Variants in FLT1 observed in about 807,000 individuals in gnomAD.
FLT1 encodes the protein fms related receptor tyrosine kinase 1.
FLT1 carries 49 observed loss-of-function variants against 156.3 expected under a neutral mutation model. That is an observed-to-expected ratio of 0.31 (90% CI 0.25 to 0.40). FLT1 has a LOEUF of 0.40. FLT1 is among the 10% of genes least tolerant of loss of function. The probability of loss-of-function intolerance (pLI) is 1.00; values close to 1 mark genes in which losing one functional copy is unlikely to be tolerated. For missense variants in FLT1, 1,322 were observed against 1,637.2 expected, an observed-to-expected ratio of 0.81 and a Z score of 3.32; for synonymous variants, 594 against 583.8, an observed-to-expected ratio of 1.02 and a Z score of -0.25.
intron 11 of FLT1, among the ~76,000 whole-genome samples, chr13:28,399,976 G>A (rs1276704886): frequency 6.6e-6 from 1 of 152,150 alleles, no homozygotes; most frequent in African/African-American, 2.4e-5. Flanking sequence ...CTACAGGTAG[G>A]ACAACTGAGG....
intron 19 of FLT1, 85 bp downstream of exon 19, chr13:28,329,530 C>CG: frequency 1.0e-6 from 1 of 961,784 alleles, no homozygotes; most frequent in South Asian, 1.4e-5. Flanking sequence ...AAGCACAGTG[C>CG]GGGGGAGAAG....
At chr13:28,344,308 C>T (rs1472591679) in intron 16 of FLT1, among the ~76,000 whole-genome samples, 1 of 152,130 alleles carries the variant, frequency 6.6e-6, no homozygotes, top group African/African-American at 2.4e-5. Context: ...ACTGTGTTCC[C>T]CCTCCCCTGC....
intron 3 of FLT1, among the ~76,000 whole-genome samples, chr13:28,452,602 GT>G (rs1415010690): frequency 1.3e-5 from 2 of 152,078 alleles, no homozygotes; most frequent in Non-Finnish European, 2.9e-5. Flanking sequence ...GTCAGAAAGT[GT>G]TTCCTTAAGT....
chr13:28,357,543 C>A lies in FLT1; in HGVS notation c.2248+11G>T. 2 of 1,614,014 alleles carry A rather than the reference C, an allele frequency of 1.2e-6. No individual in the cohort carries two copies. The highest frequency in any genetic ancestry group is 1.7e-6 in the Non-Finnish European group (2 of 1,179,860). On this transcript the variant is annotated intron_variant, in intron 15 of 29. Transcript: ENST00000282397. ...ACCAATTTCTTGTTGCTTTCTTAAG[C>A]AGCTGTTTACCTTGAACAGTGAGGT...
At chr13:28,355,469 C>T (rs762752212) in intron 15 of FLT1, among the ~76,000 whole-genome samples, 1 of 152,036 alleles carries the variant, frequency 6.6e-6, no homozygotes, top group African/African-American at 2.4e-5. Flanking sequence ...ATATCAACGC[C>T]AAAATAATAA....
At chr13:28,397,749 C>CGTGTGTGTGTGTGT (rs35710786) in intron 11 of FLT1, among the ~76,000 whole-genome samples, 1 of 129,800 alleles carries the variant, frequency 7.7e-6, no homozygotes, top group Non-Finnish European at 1.7e-5. Context: ...TGAAGGAGAC[C>CGTGTGTGTGTGTGT]GTGTGTGTGT....
chr13:28,360,627 T>A (rs1435823695), intron 14 of FLT1, among the ~76,000 whole-genome samples: 1 of 152,168 alleles, frequency 6.6e-6, no homozygotes, highest in Admixed American at 6.5e-5. Context: ...ATATGTGGAA[T>A]CTAAAAAAGT....
At chr13:28,386,150 G>A in intron 13 of FLT1, 1 of 1,053,618 alleles carries the variant, frequency 9.5e-7, no homozygotes, top group Non-Finnish European at 1.1e-6. Flanking sequence ...TGTGAAGGCA[G>A]CTTAGGAGTG....
intron 1 of FLT1, among the ~76,000 whole-genome samples, chr13:28,472,800 C>T (rs939810171): frequency 4.6e-5 from 7 of 152,128 alleles, no homozygotes; most frequent in African/African-American, 9.7e-5. Flanking sequence ...GATTAGGGTT[C>T]GGTTTTTAGG....
At chr13:28,335,625 A>G (rs1872089120) in intron 17 of FLT1, among the ~76,000 whole-genome samples, 1 of 152,140 alleles carries the variant, frequency 6.6e-6, no homozygotes, top group South Asian at 2.1e-4. Flanking sequence ...CACTTATACC[A>G]GTGTCATCAT....
chr13:28,349,544 C>A (rs1872677205), intron 15 of FLT1, among the ~76,000 whole-genome samples: 1 of 152,048 alleles, frequency 6.6e-6, no homozygotes, highest in African/African-American at 2.4e-5. Flanking sequence ...GGATTGGGAT[C>A]CTCTCAGGAC....
At chr13:28,310,258 G>A (rs1040940771) in intron 27 of FLT1, among the ~76,000 whole-genome samples, 7 of 152,142 alleles carry the variant, frequency 4.6e-5, no homozygotes, top group African/African-American at 1.7e-4. Context: ...TGAGGTTAGA[G>A]CCAGAGAGCT....
In FLT1 at chr13:28,430,054, C is replaced by G; in HGVS notation, c.1102G>C (p.Val368Leu). The G allele has an allele frequency of 6.2e-7, 1 of 1,603,260 alleles. No individual in the cohort carries two copies. Among genetic ancestry groups the G allele is most frequent in the East Asian group, 2.2e-5 (1 of 44,824 alleles). The change falls in exon 8 of 30, where the codon GTA becomes CTA. Residue 368 changes from valine to leucine, a missense_variant. Physicochemically the swap from Val to Leu is conservative, Grantham distance 32. Around this residue, in one of 3 missense-constraint regions of FLT1, gnomAD observed 991 missense variants for 1,254.8 expected, o/e 0.79. Coordinates refer to ENST00000282397, the MANE Select transcript of FLT1 (RefSeq NM_002019.4). ...KVKAFPSPEV[V>L]WLKDGLPATE... is the part of the protein sequence containing the mutation. ...TGGAAATAAGGATGGTCCTACCATA[C>G]AACTTCCGGCGAGGGAAATGCCTTC...
intron 13 of FLT1, 112 bp downstream of exon 13, chr13:28,389,684 A>G: frequency 6.4e-7 from 1 of 1,571,150 alleles, no homozygotes; most frequent in Non-Finnish European, 8.6e-7. Flanking sequence ...GACAACTGTT[A>G]CTTTTTAATG....
chr13:28,319,902 T>G (rs1871370397), intron 23 of FLT1, among the ~76,000 whole-genome samples: 1 of 152,196 alleles, frequency 6.6e-6, no homozygotes, highest in African/African-American at 2.4e-5. Flanking sequence ...TCCTGAAAAC[T>G]GGTGGTGGTT....
chr13:28,388,698 G>A, intron 13 of FLT1: 2 of 1,057,050 alleles, frequency 1.9e-6, no homozygotes, highest in Non-Finnish European at 2.3e-6. Context: ...TGCATATGGG[G>A]AAAGTGGACT....
intron 14 of FLT1, among the ~76,000 whole-genome samples, chr13:28,373,811 G>C (rs963438618): frequency 3.3e-5 from 5 of 152,044 alleles, no homozygotes; most frequent in African/African-American, 1.2e-4. Context: ...GAGATCTCTG[G>C]GATGACTGCT....
chr13:28,321,375 A>G, intron 23 of FLT1, 88 bp downstream of exon 23: 1 of 1,434,248 alleles, frequency 7.0e-7, no homozygotes, highest in Non-Finnish European at 9.7e-7. Flanking sequence ...TTCAGGGACT[A>G]CAGCTGAGGA....
intron 3 of FLT1, among the ~76,000 whole-genome samples, chr13:28,441,261 C>A (rs766337327): frequency 6.6e-6 from 1 of 152,200 alleles, no homozygotes; most frequent in Non-Finnish European, 1.5e-5. Context: ...TGCTGGCAGG[C>A]CACTGTGCAT....
Sources: gnomAD v4.1 joint callset for allele counts (sites outside exome capture counted in the v4.1 genomes callset) on GRCh38, gnomAD v4.1.1 for gene constraint, gnomAD v4.1.1 regional missense constraint, MANE v1.5 for transcripts, NCBI Gene and HGNC (gene_info 2026-07-23, HGNC 2026-07-21) for gene names.